DENND1B: variants seen among roughly 807,000 people sequenced by gnomAD.
DENND1B encodes the protein DENN domain-containing protein 1B.
Under a neutral mutation model 90.1 loss-of-function variants are expected in DENND1B, and 59 were observed. That is an observed-to-expected ratio of 0.65 (90% CI 0.53 to 0.81). The LOEUF is 0.81. DENND1B is among the 40% of genes least tolerant of loss of function. The probability of loss-of-function intolerance (pLI) is 0.00; values close to 1 mark genes in which losing one functional copy is unlikely to be tolerated. For missense variants in DENND1B, 862 were observed against 912.6 expected, an observed-to-expected ratio of 0.94 and a Z score of 0.71; for synonymous variants, 337 against 324.6, an observed-to-expected ratio of 1.04 and a Z score of -0.41.
At chr1:197,534,693 A>G (rs1669751660) in intron 20 of DENND1B, among the ~76,000 whole-genome samples, 1 of 152,192 alleles carries the variant, frequency 6.6e-6, no homozygotes, top group South Asian at 2.1e-4. Context: ...GTTCTTTGTA[A>G]GATATTAAAG....
chr1:197,697,185 A>G (rs530515616), intron 3 of DENND1B, among the ~76,000 whole-genome samples: 1 of 151,678 alleles, frequency 6.6e-6, no homozygotes, highest in South Asian at 2.1e-4. Context: ...TATCTTCCAC[A>G]GTGCTTCAGA....
At chr1:197,516,463 C>T (rs770636133) in intron 20 of DENND1B, among the ~76,000 whole-genome samples, 9 of 151,586 alleles carry the variant, frequency 5.9e-5, no homozygotes, top group Non-Finnish European at 8.9e-5. Context: ...ATAATGTAAT[C>T]GACATTTAAG....
intron 3 of DENND1B, among the ~76,000 whole-genome samples, chr1:197,674,816 T>C (rs1292082711): frequency 2.6e-5 from 4 of 152,108 alleles, no homozygotes; most frequent in Non-Finnish European, 5.9e-5. Flanking sequence ...TTCTGTGCAC[T>C]TTCATTTAAG....
chr1:197,730,753 G>A (rs1662072116), intron 2 of DENND1B, among the ~76,000 whole-genome samples: 1 of 151,690 alleles, frequency 6.6e-6, no homozygotes, highest in Non-Finnish European at 1.5e-5. Flanking sequence ...AGATTCTAAG[G>A]TTAACATTTT....
In DENND1B at chr1:197,553,037, CTGAAG is replaced by C; in HGVS notation, c.1220_1224del (p.Thr407ArgfsTer41). On this transcript the variant is annotated frameshift_variant, in exon 16 of 23. Coordinates refer to ENST00000620048, the MANE Select transcript of DENND1B (RefSeq NM_001195215.2). LOFTEE classifies it high-confidence loss of function. ...TTGTCTTTACCTCCACAAAAGCCAC[CTGAAG>C]TGATCTCTTCTTCAAATACATCAGA... 6.4e-7 allele frequency: 1 copy of C among 1,570,852 alleles called. No individual in the cohort carries two copies. Among genetic ancestry groups the C allele is most frequent in the Non-Finnish European group, 8.6e-7 (1 of 1,165,310 alleles).
intron 3 of DENND1B, among the ~76,000 whole-genome samples, chr1:197,675,828 T>C (rs1275261597): frequency 6.6e-6 from 1 of 152,044 alleles, no homozygotes; most frequent in Non-Finnish European, 1.5e-5. Flanking sequence ...TCCCTCTAAA[T>C]ACACAAATTA....
intron 3 of DENND1B, among the ~76,000 whole-genome samples, chr1:197,686,471 G>T (rs1657243869): frequency 6.6e-6 from 1 of 152,078 alleles, no homozygotes; most frequent in African/African-American, 2.4e-5. Flanking sequence ...TTCTCAGCCT[G>T]CTGCCACTAG....
chr1:197,737,105 C>T (rs1039914731), intron 2 of DENND1B, among the ~76,000 whole-genome samples: 1 of 152,186 alleles, frequency 6.6e-6, no homozygotes, highest in African/African-American at 2.4e-5. Context: ...TATCCCAGTT[C>T]TTCCAATTGC....
intron 2 of DENND1B, among the ~76,000 whole-genome samples, chr1:197,731,806 T>C (rs759756927): frequency 6.6e-6 from 1 of 152,114 alleles, no homozygotes; most frequent in African/African-American, 2.4e-5. Context: ...AGGCCATAGG[T>C]TGGACAAGCT....
chr1:197,649,986 A>G (rs1056496406), intron 7 of DENND1B, among the ~76,000 whole-genome samples: 1 of 152,174 alleles, frequency 6.6e-6, no homozygotes, highest in African/African-American at 2.4e-5. Context: ...TTCAGAATCT[A>G]CAATAAATTC....
At chr1:197,621,784 A>C (rs1391171545) in intron 10 of DENND1B, among the ~76,000 whole-genome samples, 1 of 151,430 alleles carries the variant, frequency 6.6e-6, no homozygotes, top group Non-Finnish European at 1.5e-5. Flanking sequence ...CTCTGGCATT[A>C]TACCCTGAAA....
At chr1:197,573,129 C>T (rs1673334037) in intron 15 of DENND1B, among the ~76,000 whole-genome samples, 1 of 151,914 alleles carries the variant, frequency 6.6e-6, no homozygotes, top group Non-Finnish European at 1.5e-5. Context: ...TTTTTTTGGT[C>T]TCTATTTCCT....
In DENND1B at chr1:197,510,990, C is replaced by A. The variant is rs971682079; in HGVS notation, c.1816-18G>T. 3 of 1,477,712 alleles carry A rather than the reference C, an allele frequency of 2.0e-6. No homozygotes were observed. Among genetic ancestry groups the A allele is most frequent in the Non-Finnish European group, 2.7e-6 (3 of 1,113,292 alleles). The allele number at this position is 1,477,712 out of a possible 1,614,324, so 91.5% of individuals were successfully genotyped here. On this transcript the variant is annotated intron_variant, in intron 22 of 22. Transcript: ENST00000620048. ...GATTTATTCTGAAAAAAAGAAGAAA[C>A]AACAAACTCAGAAAACTTTTAATAA... is the stretch of plus-strand genomic sequence containing the variant.
chr1:197,598,610 T>C (rs918271350), intron 13 of DENND1B, among the ~76,000 whole-genome samples: 5 of 151,856 alleles, frequency 3.3e-5, no homozygotes, highest in Non-Finnish European at 2.9e-5. Context: ...GAAATAAATA[T>C]ATCTCTTCCC....
At chr1:197,592,934 A>G (rs1293004196) in intron 14 of DENND1B, among the ~76,000 whole-genome samples, 2 of 152,248 alleles carry the variant, frequency 1.3e-5, no homozygotes, top group Admixed American at 1.3e-4. Flanking sequence ...TTCCAATTGT[A>G]CTATAGTAGC....
At chr1:197,563,570 C>T (rs1672356752) in intron 15 of DENND1B, among the ~76,000 whole-genome samples, 1 of 151,948 alleles carries the variant, frequency 6.6e-6, no homozygotes, top group Non-Finnish European at 1.5e-5. Flanking sequence ...GACAATGCAC[C>T]TGGCCACCCA....
chr1:197,551,257 A>G (rs1317463302), intron 16 of DENND1B, among the ~76,000 whole-genome samples: 1 of 152,104 alleles, frequency 6.6e-6, no homozygotes, highest in Non-Finnish European at 1.5e-5. Context: ...AACATAACAC[A>G]GAATAATTTA....
intron 2 of DENND1B, among the ~76,000 whole-genome samples, chr1:197,731,779 G>A (rs1318873671): frequency 6.6e-6 from 1 of 152,144 alleles, no homozygotes; most frequent in Non-Finnish European, 1.5e-5. Flanking sequence ...AAGCTGTCCT[G>A]GCCACATGCA....
At chr1:197,641,403 T>C (rs773930858) in intron 10 of DENND1B, among the ~76,000 whole-genome samples, 54 of 152,168 alleles carry the variant, frequency 3.5e-4, no homozygotes, top group Admixed American at 1.7e-3. Flanking sequence ...AAACTGAATT[T>C]CTTGACATCT....
Sources: gnomAD v4.1 joint callset for allele counts (sites outside exome capture counted in the v4.1 genomes callset) on GRCh38, gnomAD v4.1.1 for gene constraint, MANE v1.5 for transcripts, NCBI Gene and HGNC (gene_info 2026-07-23, HGNC 2026-07-21) for gene names.